The following RASGEF1C variants were observed in gnomAD, a reference collection of about 807,000 sequenced individuals.
The protein encoded by RASGEF1C is RasGEF domain family member 1C, also known as ras-GEF domain-containing family member 1C.
A neutral mutation model predicts 58.1 loss-of-function variants in RASGEF1C; 27 were observed. The observed-to-expected ratio is 0.46, with a 90% CI of 0.34 to 0.64. The LOEUF (loss-of-function observed/expected upper bound fraction) is 0.64, where lower values mean the gene tolerates loss of function less well. Ranked by LOEUF, RASGEF1C falls within the 30% of genes least tolerant of loss-of-function variation. RASGEF1C has a pLI of 0.01. For synonymous variants in RASGEF1C, 243 were observed against 246.3 expected, an observed-to-expected ratio of 0.99 and a Z score of 0.13; for missense variants, 502 against 605.1, an observed-to-expected ratio of 0.83 and a Z score of 1.79.
chr5:180,184,139 G>C (rs1450995975), intron 1 of RASGEF1C, among the ~76,000 whole-genome samples: 1 of 151,524 alleles, frequency 6.6e-6, no homozygotes, highest in African/African-American at 2.4e-5. Flanking sequence ...ACTCCAGCCT[G>C]GGCAACAGAG....
chr5:180,200,603 G>A (rs1015819913), intron 1 of RASGEF1C, among the ~76,000 whole-genome samples: 9 of 151,916 alleles, frequency 5.9e-5, no homozygotes, highest in Non-Finnish European at 1.0e-4. Context: ...GTGAGCCACC[G>A]CGCCCAGCCA....
chr5:180,144,889 G>A (rs1766640510), intron 1 of RASGEF1C, among the ~76,000 whole-genome samples: 1 of 152,102 alleles, frequency 6.6e-6, no homozygotes, highest in Admixed American at 6.5e-5. Context: ...CCTTATATAA[G>A]TGGAATCATA....
At chr5:180,108,681 C>T (rs1252603227) in intron 12 of RASGEF1C, among the ~76,000 whole-genome samples, 1 of 152,120 alleles carries the variant, frequency 6.6e-6, no homozygotes, top group African/African-American at 2.4e-5. Flanking sequence ...CTTATTATAT[C>T]TTCTGTTTCT....
intron 1 of RASGEF1C, 151 bp from the exon 2 acceptor site, chr5:180,138,209 G>A (rs1358169889): frequency 2.0e-6 from 1 of 508,492 alleles, no homozygotes; most frequent in Non-Finnish European, 3.4e-6. Context: ...CACTTCCTGG[G>A]AGTATTGTCA....
intron 1 of RASGEF1C, among the ~76,000 whole-genome samples, chr5:180,140,560 G>T (rs752634244): frequency 1.2e-4 from 18 of 152,160 alleles, no homozygotes; most frequent in Non-Finnish European, 2.2e-4. Flanking sequence ...GAGAAGGTGA[G>T]GTCAGAGCTG....
chr5:180,201,239 G>A (rs1224376743), intron 1 of RASGEF1C, among the ~76,000 whole-genome samples: 1 of 152,336 alleles, frequency 6.6e-6, no homozygotes. Context: ...GGAAGGCCCT[G>A]CTTCTAGGGG....
At chr5:180,118,013 A>AAC (rs1206335136) in intron 10 of RASGEF1C, among the ~76,000 whole-genome samples, 2 of 132,236 alleles carry the variant, frequency 1.5e-5, no homozygotes, top group Non-Finnish European at 3.4e-5. Context: ...AAAAAAAAAA[A>AAC]AATACGAGCT....
Position 180,185,058 on chromosome 5 carries a change from C to T in RASGEF1C, c.-7+23970G>A, listed in dbSNP as rs543508871. Among the ~76,000 whole-genome samples the T allele has an allele frequency of 1.5e-3, 228 of 149,776 alleles. 1 individual carries two copies. Among genetic ancestry groups the T allele is most frequent in the African/African-American group, 5.3e-3 (216 of 40,662 alleles). Reference sequence around the variant, plus strand: ...CTGTAATCCCAGCACTTTGGGAGGCCGAGGTGGGCGGATCACAAGGTCAGG... The same window carrying T: ...CTGTAATCCCAGCACTTTGGGAGGCTGAGGTGGGCGGATCACAAGGTCAGG... On this transcript the variant is annotated intron_variant, in intron 1 of 13. Coordinates refer to ENST00000361132, the MANE Select transcript of RASGEF1C (RefSeq NM_175062.4).
intron 1 of RASGEF1C, among the ~76,000 whole-genome samples, chr5:180,142,189 T>C (rs1055837477): frequency 2.0e-5 from 3 of 152,092 alleles, no homozygotes; most frequent in African/African-American, 4.8e-5. Flanking sequence ...CATTTCTCCC[T>C]CTGTCTGCCT....
At chr5:180,190,974 A>G (rs1381171437) in intron 1 of RASGEF1C, among the ~76,000 whole-genome samples, 1 of 152,238 alleles carries the variant, frequency 6.6e-6, no homozygotes, top group Non-Finnish European at 1.5e-5. Flanking sequence ...CCAATTAAAA[A>G]TGTGCAAAAT....
At chr5:180,202,731 G>C (rs973658484) in intron 1 of RASGEF1C, among the ~76,000 whole-genome samples, 2 of 148,316 alleles carry the variant, frequency 1.3e-5, no homozygotes, top group African/African-American at 5.0e-5. Flanking sequence ...TTGAGACGGA[G>C]TCTCGCTGTC....
rs774479883 is a variant in RASGEF1C at position 180,197,202 on chromosome 5, G to A, written c.-7+11826C>T. Among the ~76,000 whole-genome samples, 24 of 152,214 alleles carry A rather than the reference G, an allele frequency of 1.6e-4. No homozygotes were observed. The highest frequency in any genetic ancestry group is 1.0e-4 in the Non-Finnish European group (7 of 68,036). On this transcript the variant is annotated intron_variant, in intron 1 of 13. Coordinates refer to ENST00000361132, the MANE Select transcript of RASGEF1C (RefSeq NM_175062.4). The surrounding 1 kb of genome is among the most constrained non-coding windows in gnomAD (Gnocchi z 4.7). ...GCGTCAGGAAGCAGGGGTGCATCAG[G>A]CACACGGGAGCTCTCTGCCTTGCCT... is the stretch of plus-strand genomic sequence containing the variant.
At position 180,197,956 on chromosome 5, in the gene RASGEF1C, A is replaced by G. The variant is rs1273789955; in HGVS notation, c.-7+11072T>C. On this transcript the variant is annotated intron_variant, in intron 1 of 13. Coordinates refer to ENST00000361132, the MANE Select transcript of RASGEF1C (RefSeq NM_175062.4). The surrounding 1 kb of genome is among the most constrained non-coding windows in gnomAD (Gnocchi z 4.7). ...ATGCACGTAAAGCAGAAATTCCCCAATTAGGATGCTGGTGTGGGTCCGGAA... is the reference window on the plus strand; with the variant it reads ...ATGCACGTAAAGCAGAAATTCCCCAGTTAGGATGCTGGTGTGGGTCCGGAA... Among the ~76,000 whole-genome samples, 6 of 152,232 alleles carry G rather than the reference A, an allele frequency of 3.9e-5. No individual in the cohort carries two copies. Among genetic ancestry groups the G allele is most frequent in the African/African-American group, 7.2e-5 (3 of 41,466 alleles).
At chr5:180,194,633 G>A (rs1324049745) in intron 1 of RASGEF1C, among the ~76,000 whole-genome samples, 1 of 152,230 alleles carries the variant, frequency 6.6e-6, no homozygotes, top group African/African-American at 2.4e-5. Flanking sequence ...GAAGTGCTAA[G>A]CTGGAGAAAA....
At chr5:180,171,067 G>C (rs1697505801) in intron 1 of RASGEF1C, among the ~76,000 whole-genome samples, 1 of 152,208 alleles carries the variant, frequency 6.6e-6, no homozygotes, top group South Asian at 2.1e-4. Flanking sequence ...AGGGACCACA[G>C]TGTGAGACGC....
At chr5:180,118,726 T>C in intron 9 of RASGEF1C, 22 bp from the exon 10 acceptor site, 2 of 1,614,026 alleles carry the variant, frequency 1.2e-6, no homozygotes, top group Non-Finnish European at 1.7e-6. Flanking sequence ...CAGGGAGGCA[T>C]GTGGGCAGTT....
intron 10 of RASGEF1C, among the ~76,000 whole-genome samples, chr5:180,116,678 C>T (rs988647612): frequency 2.0e-5 from 3 of 152,250 alleles, no homozygotes; most frequent in Non-Finnish European, 2.9e-5. Flanking sequence ...CCACAGCCCC[C>T]GTGTCCCAGC....
intron 8 of RASGEF1C, 111 bp from the exon 9 acceptor site, chr5:180,118,977 G>A: frequency 1.0e-6 from 1 of 987,204 alleles, no homozygotes; most frequent in Non-Finnish European, 1.6e-6. Context: ...GCAGGGCTCA[G>A]CCTGTCACAT....
chr5:180,137,545 A>G lies in RASGEF1C; in HGVS notation c.300+45T>C. ...TGATGCGTTGAGGGCATGGCAGGGC[A>G]GTGCTGGTACACTCTGAGACCCCCT... On this transcript the variant is annotated intron_variant, in intron 3 of 13. Coordinates refer to ENST00000361132, the MANE Select transcript of RASGEF1C (RefSeq NM_175062.4). This position sits in a 1 kb window ranked among gnomAD's most constrained non-coding sequence, Gnocchi z 4.1. 2 of 1,589,704 alleles carry G rather than the reference A, an allele frequency of 1.3e-6. No homozygotes were observed. Among genetic ancestry groups the G allele is most frequent in the Non-Finnish European group, 1.7e-6 (2 of 1,170,280 alleles).
Sources: gnomAD v4.1 joint callset for allele counts (sites outside exome capture counted in the v4.1 genomes callset) on GRCh38, gnomAD v4.1.1 for gene constraint, Gnocchi (gnomAD v3.1) non-coding constraint, MANE v1.5 for transcripts, NCBI Gene and HGNC (gene_info 2026-07-23, HGNC 2026-07-21) for gene names.